Variants in DCC observed in about 807,000 individuals in gnomAD.
The protein encoded by DCC is netrin receptor DCC.
A neutral mutation model predicts 172.5 loss-of-function variants in DCC; 58 were observed. The ratio of observed to expected loss-of-function variants is 0.34; its 90% confidence interval spans 0.27 to 0.42. DCC has a LOEUF of 0.42. Ranked by LOEUF, DCC falls within the 10% of genes least tolerant of loss-of-function variation. The pLI, the probability that DCC is intolerant of heterozygous loss-of-function variation, is 1.00. For missense variants in DCC, 1,740 were observed against 1,791.0 expected, an observed-to-expected ratio of 0.97 and a Z score of 0.51; for synonymous variants, 709 against 644.5, an observed-to-expected ratio of 1.10 and a Z score of -1.52.
chr18:52,975,243 TCTTGG>T (rs760997209), intron 5 of DCC, among the ~76,000 whole-genome samples: 3 of 152,186 alleles, frequency 2.0e-5, no homozygotes, highest in Non-Finnish European at 2.9e-5. Context: ...GGGGCTTTCT[TCTTGG>T]CTTGCAGATG....
chr18:53,164,487 A>G (rs2054887665), intron 8 of DCC, among the ~76,000 whole-genome samples: 1 of 152,178 alleles, frequency 6.6e-6, no homozygotes, highest in African/African-American at 2.4e-5. Flanking sequence ...GAAGTATAAC[A>G]CAGTATAGCC....
intron 1 of DCC, among the ~76,000 whole-genome samples, chr18:52,604,132 G>A (rs553104723): frequency 4.0e-5 from 6 of 151,840 alleles, no homozygotes; most frequent in South Asian, 2.1e-4. Flanking sequence ...AATTTTATTC[G>A]AATGTGTTTT....
intron 1 of DCC, among the ~76,000 whole-genome samples, chr18:52,418,087 C>G (rs1987108205): frequency 2.0e-5 from 3 of 152,114 alleles, no homozygotes; most frequent in Admixed American, 6.6e-5. Context: ...TGCTCCAGGT[C>G]CTGAAAATTA....
intron 5 of DCC, among the ~76,000 whole-genome samples, chr18:52,966,209 T>G (rs1400719703): frequency 6.6e-6 from 1 of 152,180 alleles, no homozygotes; most frequent in East Asian, 1.9e-4. Flanking sequence ...AGCAGGGGGT[T>G]ATGGCATGGT....
At chr18:53,328,340 T>C (rs1007799360) in intron 14 of DCC, among the ~76,000 whole-genome samples, 4 of 152,198 alleles carry the variant, frequency 2.6e-5, no homozygotes, top group Non-Finnish European at 5.9e-5. Flanking sequence ...CCTATATTCT[T>C]GGGCAAATAA....
At chr18:52,419,118 C>T (rs557429835) in intron 1 of DCC, 1 of 152,336 alleles carries the variant, frequency 6.6e-6, no homozygotes, top group Non-Finnish European at 1.5e-5. Flanking sequence ...TTCAGTTCCC[C>T]AAAGTGCTGG....
At chr18:52,375,937 G>A (rs1322875260) in intron 1 of DCC, among the ~76,000 whole-genome samples, 3 of 152,160 alleles carry the variant, frequency 2.0e-5, no homozygotes, top group African/African-American at 4.8e-5. Context: ...CTGGTAGTCT[G>A]TAGAATTTTA....
intron 1 of DCC, 72 bp downstream of exon 1, chr18:52,340,950 GAGT>G: frequency 8.1e-7 from 1 of 1,228,516 alleles, no homozygotes; most frequent in Non-Finnish European, 1.2e-6. Context: ...TTCATTTGGC[GAGT>G]AGTAGAATTG....
chr18:52,367,642 T>G (rs1209090206), intron 1 of DCC, among the ~76,000 whole-genome samples: 5 of 152,190 alleles, frequency 3.3e-5, no homozygotes, highest in Non-Finnish European at 7.4e-5. Flanking sequence ...TGATGGTGTT[T>G]GTGTTTTGTC....
intron 9 of DCC, among the ~76,000 whole-genome samples, chr18:53,183,693 A>G (rs1414540009): frequency 6.6e-6 from 1 of 152,062 alleles, no homozygotes; most frequent in African/African-American, 2.4e-5. Flanking sequence ...AGTGAAAGCA[A>G]CCCACCAATT....
intron 3 of DCC, among the ~76,000 whole-genome samples, chr18:52,914,604 TC>T (rs2145467187): frequency 6.6e-6 from 1 of 152,240 alleles, no homozygotes; most frequent in East Asian, 1.9e-4. Flanking sequence ...AAATTCTGGT[TC>T]CCGTGATCAG....
intron 3 of DCC, among the ~76,000 whole-genome samples, chr18:52,918,263 T>C (rs1001089484): frequency 6.6e-6 from 1 of 152,174 alleles, no homozygotes; most frequent in Admixed American, 6.5e-5. Flanking sequence ...AGCTGAATAA[T>C]TGCATTTGGA....
At chr18:52,825,211 A>T (rs1441074776) in intron 2 of DCC, among the ~76,000 whole-genome samples, 1 of 152,178 alleles carries the variant, frequency 6.6e-6, no homozygotes, top group South Asian at 2.1e-4. Flanking sequence ...CTATGATCCA[A>T]GTTTATCAGC....
chr18:53,350,644 AC>A (rs2057780719), intron 15 of DCC, among the ~76,000 whole-genome samples: 1 of 152,080 alleles, frequency 6.6e-6, no homozygotes, highest in South Asian at 2.1e-4. Context: ...AAAATAGAAA[AC>A]AAAAGATGCT....
intron 15 of DCC, among the ~76,000 whole-genome samples, chr18:53,348,152 A>T (rs1384015486): frequency 1.3e-5 from 2 of 152,166 alleles, no homozygotes; most frequent in African/African-American, 4.8e-5. Context: ...TTCGCCTATG[A>T]TCCTGTAAAA....
At chr18:52,619,483 C>G (rs757317864) in intron 1 of DCC, among the ~76,000 whole-genome samples, 1 of 152,140 alleles carries the variant, frequency 6.6e-6, no homozygotes, top group African/African-American at 2.4e-5. Context: ...CTTATTTTTG[C>G]CCAGTGGTAA....
At chr18:53,143,468 CAGAT>C (rs1177366488) in intron 7 of DCC, among the ~76,000 whole-genome samples, 4 of 152,224 alleles carry the variant, frequency 2.6e-5, no homozygotes, top group Non-Finnish European at 5.9e-5. Flanking sequence ...GACACCAGAA[CAGAT>C]AGTTTACGTG....
intron 27 of DCC, among the ~76,000 whole-genome samples, chr18:53,511,326 G>A (rs977674866): frequency 6.6e-6 from 1 of 152,228 alleles, no homozygotes; most frequent in Non-Finnish European, 1.5e-5. Context: ...CTGACTACAA[G>A]AATATTCGAC....
At chr18:52,551,216 G>A (rs915218500) in intron 1 of DCC, among the ~76,000 whole-genome samples, 2 of 151,970 alleles carry the variant, frequency 1.3e-5, no homozygotes, top group African/African-American at 4.8e-5. Flanking sequence ...GCACTTGGCA[G>A]GCATGTTCTC....
Sources: gnomAD v4.1 joint callset for allele counts (sites outside exome capture counted in the v4.1 genomes callset) on GRCh38, gnomAD v4.1.1 for gene constraint, MANE v1.5 for transcripts, NCBI Gene and HGNC (gene_info 2026-07-23, HGNC 2026-07-21) for gene names.